Variants in STK36 observed in about 807,000 individuals in gnomAD.
STK36 encodes serine/threonine-protein kinase 36.
In STK36, 116 loss-of-function variants were observed where a neutral mutation model predicts 142.2. That is an observed-to-expected ratio of 0.82 (90% CI 0.70 to 0.95). The LOEUF (loss-of-function observed/expected upper bound fraction) is 0.95, where lower values mean the gene tolerates loss of function less well. Ranked by LOEUF, STK36 falls within the 40% of genes least tolerant of loss-of-function variation. STK36 has a pLI of 0.00. For missense variants in STK36, 1,422 were observed against 1,617.2 expected (o/e 0.88, Z 2.07); for synonymous variants, 619 against 641.7 (o/e 0.96, Z 0.53).
chr2:218,699,296 A>T lies in STK36; in HGVS notation c.3752A>T (p.Glu1251Val). 6.2e-7 allele frequency: 1 copy of T among 1,614,116 alleles called. No individual in the cohort carries two copies. The highest frequency in any genetic ancestry group is 1.1e-5 in the South Asian group (1 of 91,086). The stretch of plus-strand genomic sequence containing the variant: ...GGAGACCCCCAGCCAAATGTGAAGG[A>T]GGCTGCCCTCATTGCCCTCCGGAGC... ...ACGDPQPNVK[E>V]AALIALRSLQ... The change falls in exon 26 of 27, where the codon GAG becomes GTG. Residue 1251 changes from glutamate to valine, a missense_variant. Physicochemically the swap from Glu to Val is moderately radical, Grantham distance 121. Transcript: ENST00000295709.
intron 23 of STK36, 27 bp from the exon 24 acceptor site, chr2:218,697,436 T>C (rs765188736): frequency 5.6e-6 from 9 of 1,612,636 alleles, no homozygotes; most frequent in African/African-American, 1.3e-5. Flanking sequence ...GCCTGTTCCA[T>C]TGGGTCTCCA....
chr2:218,693,564 C>T (rs1941097441), intron 17 of STK36, among the ~76,000 whole-genome samples, 159 bp from the exon 18 acceptor site: 1 of 152,202 alleles, frequency 6.6e-6, no homozygotes, highest in Non-Finnish European at 1.5e-5. Flanking sequence ...GGGTCCCTGT[C>T]TCACTATCTC....
intron 24 of STK36, 39 bp downstream of exon 24, chr2:218,697,649 G>A (rs375518362): frequency 1.7e-5 from 28 of 1,610,516 alleles, no homozygotes; most frequent in East Asian, 4.5e-5. Flanking sequence ...AGTCAGCAAC[G>A]GGGAGGGAGA....
intron 4 of STK36, 140 bp from the exon 5 acceptor site, chr2:218,675,199 ATAAC>A (rs1267090617): frequency 2.6e-5 from 23 of 873,568 alleles, no homozygotes; most frequent in Non-Finnish European, 3.8e-5. Context: ...AAGGGGAACA[ATAAC>A]TAAGAAAGAA....
Position 218,675,381 on chromosome 2 carries a change from C to T in STK36, c.342C>T (p.Tyr114=). 1 of 1,612,194 alleles carries T rather than the reference C, an allele frequency of 6.2e-7. No homozygotes were observed. Among genetic ancestry groups the T allele is most frequent in the Non-Finnish European group, 8.5e-7 (1 of 1,179,412 alleles). ...CTGCCCAGTTGGTGTCAGCCCTGTACTATCTGCATTCCCACCGCATCCTAC... is the reference window on the plus strand; with the variant it reads ...CTGCCCAGTTGGTGTCAGCCCTGTATTATCTGCATTCCCACCGCATCCTAC... ...AIAAQLVSAL[Y]YLHSHRILHR... The change falls in exon 5 of 27, where the codon TAC becomes TAT. Residue 114 remains tyrosine, a synonymous_variant. Transcript: ENST00000295709.
intron 11 of STK36, 86 bp from the exon 12 acceptor site, chr2:218,688,611 C>T (rs1575133837): frequency 6.9e-7 from 1 of 1,453,944 alleles, no homozygotes; most frequent in Non-Finnish European, 9.3e-7. Flanking sequence ...GCTTTCCCAG[C>T]TCCTTGGGGA....
At chr2:218,680,366 A>G (rs1173975017) in intron 9 of STK36, among the ~76,000 whole-genome samples, 2 of 152,246 alleles carry the variant, frequency 1.3e-5, no homozygotes, top group East Asian at 3.8e-4. Flanking sequence ...TGAAAGCCAT[A>G]GGTGAAAACT....
intron 14 of STK36, among the ~76,000 whole-genome samples, 164 bp from the exon 15 acceptor site, chr2:218,691,979 G>A (rs1449139678): frequency 6.6e-6 from 1 of 152,252 alleles, no homozygotes; most frequent in African/African-American, 2.4e-5. Flanking sequence ...AAGCATGAAT[G>A]AAAGCAGTTC....
Position 218,694,132 on chromosome 2 carries a change from G to GAC in STK36, c.2337-131_2337-130dup, listed in dbSNP as rs1575139663. ...GCTTTCTCTACAAAGAACAGACCTAGACTCCCATCAACTTTGTGCCTTGGA... is the reference window on the plus strand; with the variant it reads ...GCTTTCTCTACAAAGAACAGACCTAGACACTCCCATCAACTTTGTGCCTTGGA... On this transcript the variant is annotated intron_variant, in intron 19 of 26. Transcript: ENST00000295709. This position sits in a 1 kb window ranked among gnomAD's most constrained non-coding sequence, Gnocchi z 4.4. 1.1e-5 allele frequency: 13 copies of GAC among 1,158,546 alleles called. No homozygotes were observed. The East Asian group carries it at 2.8e-4, about 25-fold the overall frequency. The allele number at this position is 1,158,546 out of a possible 1,614,324, so 71.8% of individuals were successfully genotyped here.
Position 218,676,052 on chromosome 2 carries a change from A to G in STK36, c.458A>G (p.Asn153Ser), listed in dbSNP as rs768228651. Residue 153 changes from asparagine (N) to serine (S), a missense_variant, in exon 6 of 27, where the codon AAT becomes AGT. Around this residue, in one of 2 missense-constraint regions of STK36, gnomAD observed 460 missense variants for 449.6 expected, o/e 1.02. Coordinates refer to ENST00000295709, the MANE Select transcript of STK36 (RefSeq NM_015690.5). Reference sequence around the variant, plus strand: ...AGATTTGCCCGGGCTATGAGCACCAATACAATGGTGCTGACATCCATCAAA... The same window carrying G: ...AGATTTGCCCGGGCTATGAGCACCAGTACAATGGTGCTGACATCCATCAAA... ...DFGFARAMSTNTMVLTSIKGT... is the reference protein window; with the variant it reads ...DFGFARAMSTSTMVLTSIKGT... The G allele has an allele frequency of 5.0e-6, 8 of 1,613,990 alleles. No homozygotes were observed. The East Asian group carries it at 1.1e-4, about 22-fold the overall frequency.
At chr2:218,692,400 C>A in intron 15 of STK36, 107 bp downstream of exon 15, 1 of 1,521,198 alleles carries the variant, frequency 6.6e-7, no homozygotes, top group South Asian at 1.2e-5. Context: ...TTAGTAGGTG[C>A]TCAATAAATA....
rs140295724 is a variant in STK36 at position 218,692,590 on chromosome 2, G to A, written c.1923G>A (p.Pro641=). 26 of 1,611,938 alleles carry A rather than the reference G, an allele frequency of 1.6e-5. No homozygotes were observed. Among genetic ancestry groups the A allele is most frequent in the Middle Eastern group, 1.7e-4 (1 of 5,768 alleles). The change falls in exon 16 of 27, where the codon CCG becomes CCA. Residue 641 remains proline (P), a synonymous_variant. Transcript: ENST00000295709. ...QLPVHTPQGA[P]QVSQPLREQS... ...CTTTGCTTTTCTCCACAGGAGCCCCGCAAGTGAGCCAGCCACTGCGAGAGC... is the reference window on the plus strand; with the variant it reads ...CTTTGCTTTTCTCCACAGGAGCCCCACAAGTGAGCCAGCCACTGCGAGAGC...
chr2:218,679,689 C>A lies in STK36; in HGVS notation c.908C>A (p.Thr303Asn). ...AAGGGTAATCAGTCTCGCATCTTGA[C>A]TCAGGCCTATAAACGCATGGCTGAG... ...APKGNQSRIL[T>N]QAYKRMAEEA... Residue 303 changes from threonine (T) to asparagine (N), a missense_variant, in exon 8 of 27, where the codon ACT becomes AAT. Thr to Asn is a moderately conservative substitution (Grantham distance 65, BLOSUM62 0). Transcript: ENST00000295709. The A allele has an allele frequency of 6.2e-7, 1 of 1,614,194 alleles. No individual in the cohort carries two copies. The highest frequency in any genetic ancestry group is 8.5e-7 in the Non-Finnish European group (1 of 1,180,048).
At chr2:218,696,789 T>A (rs1442660093) in intron 22 of STK36, 188 bp downstream of exon 22, 1 of 891,040 alleles carries the variant, frequency 1.1e-6, no homozygotes, top group Non-Finnish European at 1.9e-6. Context: ...ATTCGCTGCG[T>A]CCCCTGGGAT....
Position 218,680,704 on chromosome 2 carries a change from T to G in STK36, c.1236+2T>G. On this transcript the variant is annotated splice_donor_variant, in intron 10 of 26. Transcript: ENST00000295709. LOFTEE classifies it high-confidence loss of function. ...GATGTAGTGGACCTGGAAAATGAGG[T>G]GAGCCCTAGGGTCTCTTACTGACTT... 1.2e-6 allele frequency: 2 copies of G among 1,610,190 alleles called. No individual in the cohort carries two copies. The highest frequency in any genetic ancestry group is 8.5e-7 in the Non-Finnish European group (1 of 1,178,446).
chr2:218,691,770 T>G (rs775526404), intron 14 of STK36, among the ~76,000 whole-genome samples: 1 of 152,078 alleles, frequency 6.6e-6, no homozygotes, highest in Non-Finnish European at 1.5e-5. Context: ...GTTGCCCAGG[T>G]TGGTCTCAAA....
At chr2:218,681,619 G>A (rs1425853843) in intron 10 of STK36, among the ~76,000 whole-genome samples, 1 of 152,178 alleles carries the variant, frequency 6.6e-6, no homozygotes, top group African/African-American at 2.4e-5. Context: ...TCACAGTTCT[G>A]GAGTCTGGAA....
intron 11 of STK36, among the ~76,000 whole-genome samples, chr2:218,687,501 A>C (rs1490693598): frequency 6.6e-6 from 1 of 152,220 alleles, no homozygotes. Flanking sequence ...ATTTGTGGAA[A>C]AGAACTCTCC....
chr2:218,688,961 G>A lies in STK36; in HGVS notation c.1560+85G>A, dbSNP rs1940889570. The A allele has an allele frequency of 3.7e-6, 5 of 1,348,840 alleles. No individual in the cohort carries two copies. In the Admixed American group the frequency reaches 1.1e-4, roughly 29 times the overall value. 83.6% of individuals were successfully genotyped at this position (1,348,840 alleles called of 1,614,324 possible). A position where few individuals can be genotyped will look rare whatever the true frequency, so the allele number is the denominator to read the frequency against. Reference sequence around the variant, plus strand: ...TCATTCAGATTGCCATCTCTCTTTGGTCTGACTGCCTTTTATTTTCTTTCC... The same window carrying A: ...TCATTCAGATTGCCATCTCTCTTTGATCTGACTGCCTTTTATTTTCTTTCC... On this transcript the variant is annotated intron_variant, in intron 12 of 26. Coordinates refer to ENST00000295709, the MANE Select transcript of STK36 (RefSeq NM_015690.5).
Sources: gnomAD v4.1 joint callset for allele counts (sites outside exome capture counted in the v4.1 genomes callset) on GRCh38, gnomAD v4.1.1 for gene constraint, gnomAD v4.1.1 regional missense constraint, Gnocchi (gnomAD v3.1) non-coding constraint, MANE v1.5 for transcripts, NCBI Gene and HGNC (gene_info 2026-07-23, HGNC 2026-07-21) for gene names.